Variants in DAB2IP observed in about 807,000 individuals in gnomAD.
DAB2IP encodes the protein DAB2 interacting protein, also known as disabled homolog 2-interacting protein.
DAB2IP carries 28 observed loss-of-function variants against 107.2 expected under a neutral mutation model. That is an observed-to-expected ratio of 0.26 (90% CI 0.19 to 0.36). DAB2IP has a LOEUF of 0.36. Among genes scored for constraint, DAB2IP ranks in the 10% least tolerant of loss-of-function variants. The pLI, the probability that DAB2IP is intolerant of heterozygous loss-of-function variation, is 1.00. For synonymous variants in DAB2IP, 755 were observed against 706.4 expected (o/e 1.07, Z -1.09); for missense variants, 1,400 against 1,644.7 (o/e 0.85, Z 2.57).
rs760499189 is a variant in DAB2IP at position 121,772,717 on chromosome 9, C to T, written c.2189C>T (p.Ser730Leu). 1.1e-5 allele frequency: 17 copies of T among 1,613,874 alleles called. No homozygotes were observed. The highest frequency in any genetic ancestry group is 5.0e-5 in the Admixed American group (3 of 60,006). Residue 730 changes from serine to leucine, a missense_variant, in exon 12 of 16, where the codon TCG (serine) becomes TTG (leucine). Physicochemically the swap from Ser to Leu is moderately radical, Grantham distance 145 (BLOSUM62 -2). Transcript: ENST00000408936. This position sits in a 1 kb window ranked among gnomAD's most constrained non-coding sequence, Gnocchi z 4.7. ...TCACCTGCCCGCAGCTCGAGTTACTCGGAAGCCAACGAGCCTGATCTTCAG... is the reference window on the plus strand; with the variant it reads ...TCACCTGCCCGCAGCTCGAGTTACTTGGAAGCCAACGAGCCTGATCTTCAG...
chr9:121,707,985 G>C (rs766042497), intron 3 of DAB2IP, among the ~76,000 whole-genome samples: 4 of 152,340 alleles, frequency 2.6e-5, no homozygotes, highest in Middle Eastern at 3.4e-3. Flanking sequence ...ACCCAGGGCA[G>C]AGGAGGACCT....
chr9:121,695,942 C>T (rs1829401983), intron 2 of DAB2IP, among the ~76,000 whole-genome samples: 1 of 152,140 alleles, frequency 6.6e-6, no homozygotes, highest in South Asian at 2.1e-4. Flanking sequence ...AAACTTGGCT[C>T]ACTGCAGCCT....
intron 1 of DAB2IP, among the ~76,000 whole-genome samples, chr9:121,598,909 G>C (rs1191228078): frequency 1.3e-5 from 2 of 152,202 alleles, no homozygotes; most frequent in African/African-American, 4.8e-5. Flanking sequence ...TTAATATTCA[G>C]TCACGCTTGC....
chr9:121,607,652 T>G (rs1438022289), intron 1 of DAB2IP, among the ~76,000 whole-genome samples: 6 of 152,174 alleles, frequency 3.9e-5, no homozygotes, highest in African/African-American at 1.4e-4. Context: ...ACTATTGCCT[T>G]ATCAGTTTAT....
chr9:121,612,012 C>T (rs754909981), intron 1 of DAB2IP, among the ~76,000 whole-genome samples: 1 of 152,182 alleles, frequency 6.6e-6, no homozygotes, highest in Non-Finnish European at 1.5e-5. Flanking sequence ...CTTCTTAATG[C>T]ACTTTATAGC....
upstream of DAB2IP, among the ~76,000 whole-genome samples, chr9:121,648,613 C>T (rs557539612): frequency 6.6e-6 from 1 of 152,260 alleles, no homozygotes; most frequent in South Asian, 2.1e-4. Context: ...TGTTTCCAGG[C>T]CCCATCCAGA....
intron 1 of DAB2IP, among the ~76,000 whole-genome samples, chr9:121,594,606 T>C (rs998720811): frequency 6.6e-6 from 1 of 152,138 alleles, no homozygotes; most frequent in Non-Finnish European, 1.5e-5. Flanking sequence ...GTGGGGTTGC[T>C]TTTTCCTTTT....
In DAB2IP at chr9:121,768,421, C is replaced by CCT; in HGVS notation, c.1698-5_1698-4dup. 6.2e-7 allele frequency: 1 copy of CCT among 1,614,092 alleles called. No homozygotes were observed. The highest frequency in any genetic ancestry group is 1.3e-5 in the African/African-American group (1 of 75,024). On this transcript the variant is annotated splice_polypyrimidine_tract_variant and intron_variant, in intron 9 of 15. Coordinates refer to ENST00000408936, the Ensembl canonical transcript of DAB2IP. ...GGCCCAGTAGTGCTCACCCAACTGC[C>CCT]CTCTCTCCAGATTTGGCAGCAAGGA...
upstream of DAB2IP, among the ~76,000 whole-genome samples, chr9:121,650,522 A>G (rs1832703486): frequency 6.6e-6 from 1 of 151,622 alleles, no homozygotes; most frequent in Non-Finnish European, 1.5e-5. Context: ...CACACCCCCC[A>G]CCCCTAAGTC....
intron 3 of DAB2IP, among the ~76,000 whole-genome samples, chr9:121,715,772 C>G (rs1255402152): frequency 6.6e-6 from 1 of 152,234 alleles, no homozygotes; most frequent in Non-Finnish European, 1.5e-5. Context: ...TTCCCTGCCT[C>G]TAATCCCAGC....
At chr9:121,617,868 G>A (rs1055672340) in intron 1 of DAB2IP, among the ~76,000 whole-genome samples, 2 of 152,068 alleles carry the variant, frequency 1.3e-5, no homozygotes, top group African/African-American at 4.8e-5. Context: ...GCGTACTCAC[G>A]TGGGAGGGGA....
chr9:121,641,289 T>C (rs943106364), intron 1 of DAB2IP, among the ~76,000 whole-genome samples: 1 of 152,222 alleles, frequency 6.6e-6, no homozygotes. Flanking sequence ...GGAATGAGGA[T>C]GGCAGAAGCT....
In DAB2IP at chr9:121,599,443, G is replaced by T. The variant is rs1038422698; in HGVS notation, c.40+32215G>T. Among the ~76,000 whole-genome samples the T allele has an allele frequency of 6.6e-5, 10 of 152,044 alleles. No homozygotes were observed. The highest frequency in any genetic ancestry group is 2.4e-4 in the African/African-American group (10 of 41,422). ...CCCCGCCCCTCTGCTCCCCGCCCGC[G>T]CTGGGTCCCGGGCCTGGCGGGCGGA... On this transcript the variant is annotated intron_variant, in intron 1 of 16. Coordinates refer to the DAB2IP transcript ENST00000259371. This position sits in a 1 kb window ranked among gnomAD's most constrained non-coding sequence, Gnocchi z 6.9.
chr9:121,783,364 C>A, exon 16 of DAB2IP: 1 of 1,498,600 alleles, frequency 6.7e-7, no homozygotes, highest in South Asian at 1.3e-5. Context: ...ACTGTATCTG[C>A]CTTCTCCTGG....
rs1381561242 is a variant in DAB2IP at position 121,699,376 on chromosome 9, C to G, written c.280C>G (p.Pro94Ala). Residue 94 changes from proline (P) to alanine (A), a missense_variant, in exon 3 of 16, where the codon CCC becomes GCC. Coordinates refer to ENST00000408936, the Ensembl canonical transcript of DAB2IP. The surrounding 1 kb of genome is among the most constrained non-coding windows in gnomAD (Gnocchi z 6.2). The stretch of plus-strand genomic sequence containing the variant: ...CTCCATCAAGCGCACCAAGAGCCAG[C>G]CCAAGCTGGACCGCAACCACAGCTT... The G allele has an allele frequency of 2.0e-6, 3 of 1,484,950 alleles. No individual in the cohort carries two copies. The highest frequency in any genetic ancestry group is 1.8e-4 in the Middle Eastern group (1 of 5,516). 92.0% of individuals were successfully genotyped at this position (1,484,950 alleles called of 1,614,324 possible). A position where few individuals can be genotyped will look rare whatever the true frequency, so the allele number is the denominator to read the frequency against.
chr9:121,718,114 C>T (rs1007767534), intron 3 of DAB2IP, among the ~76,000 whole-genome samples: 2 of 152,152 alleles, frequency 1.3e-5, no homozygotes, highest in African/African-American at 4.8e-5. Context: ...GCGACCCATC[C>T]TCAGTCCCTC....
intron 2 of DAB2IP, among the ~76,000 whole-genome samples, chr9:121,696,307 G>A (rs1435035706): frequency 6.6e-6 from 1 of 152,192 alleles, no homozygotes; most frequent in African/African-American, 2.4e-5. Context: ...TTAGCCACTG[G>A]GCTGTCAGTG....
chr9:121,733,095 C>T (rs996602989), intron 3 of DAB2IP, among the ~76,000 whole-genome samples: 1 of 152,190 alleles, frequency 6.6e-6, no homozygotes, highest in Non-Finnish European at 1.5e-5. Flanking sequence ...GTCTCTTGTA[C>T]CTTGTGGTAC....
At chr9:121,669,824 TG>T (rs1366310332) in intron 1 of DAB2IP, among the ~76,000 whole-genome samples, 1 of 152,208 alleles carries the variant, frequency 6.6e-6, no homozygotes, top group Non-Finnish European at 1.5e-5. Flanking sequence ...TGTCTGAGGT[TG>T]TGTCTTTTGC....
Sources: allele counts gnomAD v4.1 joint callset (sites outside exome capture counted in the v4.1 genomes callset), GRCh38; gene constraint gnomAD v4.1.1; non-coding constraint Gnocchi (gnomAD v3.1); transcripts MANE v1.5; gene names NCBI Gene and HGNC (gene_info 2026-07-23, HGNC 2026-07-21).